The following MAGI1 variants were observed in gnomAD, a reference collection of about 807,000 sequenced individuals.
MAGI1 encodes membrane associated guanylate kinase, WW and PDZ domain containing 1.
Under a neutral mutation model 139.9 loss-of-function variants are expected in MAGI1, and 58 were observed. The observed-to-expected ratio is 0.41, with a 90% CI of 0.34 to 0.52. The LOEUF is 0.52. MAGI1 is among the 20% of genes least tolerant of loss of function. MAGI1 has a pLI of 0.12. For missense variants in MAGI1, 1,874 were observed against 1,901.6 expected (o/e 0.99, Z 0.27); for synonymous variants, 812 against 737.9 (o/e 1.10, Z -1.63).
intron 1 of MAGI1, among the ~76,000 whole-genome samples, chr3:65,701,007 C>T (rs1207257064): frequency 6.6e-6 from 1 of 152,260 alleles, no homozygotes; most frequent in East Asian, 1.9e-4. Flanking sequence ...ATGCGGCCAC[C>T]ATCAGGGGGC....
chr3:65,724,674 G>A (rs2033408738), intron 1 of MAGI1, among the ~76,000 whole-genome samples: 2 of 152,176 alleles, frequency 1.3e-5, no homozygotes, highest in Non-Finnish European at 2.9e-5. Context: ...AATTTACAAA[G>A]GAAAGAGGTT....
intron 2 of MAGI1, among the ~76,000 whole-genome samples, chr3:65,506,924 C>G (rs2077312281): frequency 6.6e-6 from 1 of 152,196 alleles, no homozygotes; most frequent in Non-Finnish European, 1.5e-5. Flanking sequence ...TACATTCGTT[C>G]TCAGTTGACA....
At chr3:65,455,354 C>T (rs1949321411) in intron 5 of MAGI1, among the ~76,000 whole-genome samples, 1 of 152,130 alleles carries the variant, frequency 6.6e-6, no homozygotes, top group African/African-American at 2.4e-5. Flanking sequence ...TCCCCCCAAC[C>T]CTCTTCTTAA....
intron 1 of MAGI1, among the ~76,000 whole-genome samples, chr3:65,803,829 A>T (rs1373798475): frequency 6.6e-6 from 1 of 152,134 alleles, no homozygotes; most frequent in Non-Finnish European, 1.5e-5. Context: ...TGCTTAGCAA[A>T]CTCATACAAG....
chr3:65,453,187 G>T, intron 6 of MAGI1, 71 bp downstream of exon 6: 1 of 1,349,752 alleles, frequency 7.4e-7, no homozygotes, highest in East Asian at 2.3e-5. Flanking sequence ...ACCTGGCTAC[G>T]ACTCTTTAAA....
intron 2 of MAGI1, among the ~76,000 whole-genome samples, chr3:65,564,865 G>C (rs996242175): frequency 6.6e-6 from 1 of 152,112 alleles, no homozygotes. Context: ...GCTCATCAAT[G>C]GCAGAAACAC....
chr3:65,865,979 A>C (rs536392153), intron 1 of MAGI1, among the ~76,000 whole-genome samples: 35 of 152,360 alleles, frequency 2.3e-4, no homozygotes, highest in Middle Eastern at 6.8e-3. Context: ...GCAGCAGCTG[A>C]CATGGAATGA....
intron 1 of MAGI1, among the ~76,000 whole-genome samples, chr3:65,734,452 C>G (rs1343548607): frequency 1.6e-5 from 2 of 127,386 alleles, no homozygotes; most frequent in Non-Finnish European, 3.2e-5. Flanking sequence ...AGAGTGAGAC[C>G]CTGTCAAGAA....
intron 1 of MAGI1, among the ~76,000 whole-genome samples, chr3:65,725,979 C>A (rs1235383310): frequency 6.6e-6 from 1 of 152,148 alleles, no homozygotes; most frequent in African/African-American, 2.4e-5. Flanking sequence ...AAAGGGTTAA[C>A]AGTCTAGTTG....
intron 1 of MAGI1, among the ~76,000 whole-genome samples, chr3:65,855,858 T>G (rs1437965294): frequency 6.6e-6 from 1 of 151,560 alleles, no homozygotes; most frequent in African/African-American, 2.4e-5. Flanking sequence ...GTGTATCCAC[T>G]CACTCATTCT....
At chr3:65,532,235 G>A (rs1238798384) in intron 2 of MAGI1, among the ~76,000 whole-genome samples, 2 of 151,966 alleles carry the variant, frequency 1.3e-5, no homozygotes, top group Non-Finnish European at 2.9e-5. Context: ...CTTAATAATG[G>A]CCTAAAAAAT....
intron 1 of MAGI1, among the ~76,000 whole-genome samples, chr3:65,967,663 T>C (rs1350815031): frequency 6.6e-6 from 1 of 152,212 alleles, no homozygotes; most frequent in African/African-American, 2.4e-5. Context: ...GAAACGTTTC[T>C]TGACGCTGTA....
At chr3:65,891,540 A>G (rs1267117061) in intron 1 of MAGI1, among the ~76,000 whole-genome samples, 6 of 152,076 alleles carry the variant, frequency 3.9e-5, no homozygotes, top group Admixed American at 1.3e-4. Flanking sequence ...TTTCTACTTC[A>G]TAAGTTAATT....
At chr3:65,969,017 G>C (rs1314536369) in intron 1 of MAGI1, among the ~76,000 whole-genome samples, 2 of 152,206 alleles carry the variant, frequency 1.3e-5, no homozygotes, top group African/African-American at 4.8e-5. Flanking sequence ...GTAATTTGCT[G>C]TATTAGGAAC....
chr3:65,959,479 G>C (rs545822929), intron 1 of MAGI1, among the ~76,000 whole-genome samples: 2 of 151,754 alleles, frequency 1.3e-5, no homozygotes, highest in Non-Finnish European at 2.9e-5. Flanking sequence ...TTTTGAGACA[G>C]GGTCTGGAGT....
At chr3:65,668,562 C>CTTTTTTTTTTTTTTTTTTT in intron 1 of MAGI1, among the ~76,000 whole-genome samples, 1 of 79,892 alleles carries the variant, frequency 1.3e-5, no homozygotes, top group Non-Finnish European at 2.4e-5. Context: ...CCTTTTTTTT[C>CTTTTTTTTTTTTTTTTTTT]TTTTTTTTTT....
At chr3:65,437,273 T>C in intron 9 of MAGI1, 26 bp from the exon 10 acceptor site, 3 of 1,489,778 alleles carry the variant, frequency 2.0e-6, no homozygotes, top group Non-Finnish European at 2.8e-6. Context: ...GAAAGTTTCC[T>C]ATTTTTCCTT....
intron 1 of MAGI1, among the ~76,000 whole-genome samples, chr3:65,739,374 T>C (rs1312442335): frequency 6.6e-6 from 1 of 152,222 alleles, no homozygotes; most frequent in Admixed American, 6.5e-5. Flanking sequence ...CCTGGTTTAA[T>C]CTTCTATCCA....
intron 1 of MAGI1, among the ~76,000 whole-genome samples, chr3:65,700,214 C>A (rs767579769): frequency 2.6e-5 from 4 of 152,018 alleles, no homozygotes; most frequent in Non-Finnish European, 5.9e-5. Context: ...GAGGCCGAGG[C>A]GGGCAGATCA....
Sources: allele counts gnomAD v4.1 joint callset (sites outside exome capture counted in the v4.1 genomes callset), GRCh38; gene constraint gnomAD v4.1.1; transcripts MANE v1.5; gene names NCBI Gene and HGNC (gene_info 2026-07-23, HGNC 2026-07-21).